The following GNB4 variants were observed in gnomAD, a reference collection of about 807,000 sequenced individuals.
GNB4 encodes the protein guanine nucleotide-binding protein subunit beta-4.
Under a neutral mutation model 45.2 loss-of-function variants are expected in GNB4, and 28 were observed. That is an observed-to-expected ratio of 0.62 (90% CI 0.46 to 0.85). GNB4 has a LOEUF of 0.85. GNB4 is among the 40% of genes least tolerant of loss of function. The probability of loss-of-function intolerance (pLI) is 0.00; values close to 1 mark genes in which losing one functional copy is unlikely to be tolerated. For missense variants in GNB4, 321 were observed against 425.4 expected (o/e 0.75, Z 2.16); for synonymous variants, 132 against 143.7 (o/e 0.92, Z 0.58).
the GNB4 span, among the ~76,000 whole-genome samples, chr3:179,518,321 G>C: frequency 2.6e-5 from 4 of 152,160 alleles, no homozygotes; most frequent in Non-Finnish European, 4.4e-5. Context: ...CAAACAGTCT[G>C]AGGTGCCTGA....
chr3:179,419,578 G>C lies in GNB4; in HGVS notation c.97-73C>G. ...TGAGATAACTTGAACTAGAAACAGT[G>C]AGGAGTTAAAAAAGCAAACATAAAG... On this transcript the variant is annotated intron_variant, in intron 3 of 9. Transcript: ENST00000232564. The C allele has an allele frequency of 4.3e-6, 4 of 929,346 alleles. No individual in the cohort carries two copies. The South Asian group carries it at 5.3e-5, about 12-fold the overall frequency. 57.6% of individuals were successfully genotyped at this position (929,346 alleles called of 1,614,324 possible). A position where few individuals can be genotyped will look rare whatever the true frequency, so the allele number is the denominator to read the frequency against.
the GNB4 span, among the ~76,000 whole-genome samples, chr3:179,516,749 G>A: frequency 6.6e-6 from 1 of 152,154 alleles, no homozygotes; most frequent in Non-Finnish European, 1.5e-5. Context: ...CGCCTTGTGT[G>A]GGAAGAGATT....
At chr3:179,401,963 TA>T (rs1390406024) in intron 9 of GNB4, among the ~76,000 whole-genome samples, 1 of 152,128 alleles carries the variant, frequency 6.6e-6, no homozygotes, top group Non-Finnish European at 1.5e-5. Context: ...ACAGTAAGAT[TA>T]ATAAGAAAAA....
At chr3:179,423,521 C>T (rs528323277) in intron 2 of GNB4, among the ~76,000 whole-genome samples, 7 of 152,078 alleles carry the variant, frequency 4.6e-5, no homozygotes, top group East Asian at 3.9e-4. Flanking sequence ...TGGTGGCTTA[C>T]GCCTGTAATC....
At chr3:179,431,180 T>C (rs2108608552) in intron 1 of GNB4, among the ~76,000 whole-genome samples, 1 of 152,342 alleles carries the variant, frequency 6.6e-6, no homozygotes, top group East Asian at 1.9e-4. Context: ...ATAATACATT[T>C]AGCTATGTCT....
the GNB4 span, among the ~76,000 whole-genome samples, chr3:179,488,888 G>A: frequency 1.9e-4 from 28 of 148,002 alleles, no homozygotes; most frequent in Non-Finnish European, 2.2e-4. Flanking sequence ...GGCGACTGAC[G>A]CAGGAGGATC....
intron 1 of GNB4, among the ~76,000 whole-genome samples, chr3:179,439,907 A>G (rs951278803): frequency 2.6e-5 from 4 of 152,268 alleles, no homozygotes; most frequent in African/African-American, 9.6e-5. Context: ...GACTTGCCTC[A>G]GATATTTTCT....
chr3:179,442,900 G>C (rs1280243988), intron 1 of GNB4, among the ~76,000 whole-genome samples: 3 of 152,134 alleles, frequency 2.0e-5, no homozygotes, highest in Non-Finnish European at 4.4e-5. Flanking sequence ...GAGTAGCTGG[G>C]ATGAAAGGTG....
intron 3 of GNB4, among the ~76,000 whole-genome samples, 161 bp downstream of exon 3, chr3:179,420,728 C>T (rs1252848169): frequency 2.0e-5 from 3 of 152,022 alleles, no homozygotes; most frequent in African/African-American, 7.2e-5. Flanking sequence ...AAAAAGCACT[C>T]GCACTGTATA....
upstream of GNB4, chr3:179,451,478 C>G (rs943985692): frequency 6.0e-5 from 9 of 150,972 alleles, no homozygotes; most frequent in Non-Finnish European, 8.9e-5. Flanking sequence ...CACACCCAGT[C>G]CCGCACCTCC....
At chr3:179,431,767 T>A (rs748029903) in intron 1 of GNB4, among the ~76,000 whole-genome samples, 1 of 152,166 alleles carries the variant, frequency 6.6e-6, no homozygotes, top group Non-Finnish European at 1.5e-5. Flanking sequence ...CTGTAGCACA[T>A]CAGGATGAAC....
intron 1 of GNB4, among the ~76,000 whole-genome samples, chr3:179,440,653 C>T (rs886484746): frequency 2.0e-5 from 3 of 151,698 alleles, no homozygotes; most frequent in African/African-American, 2.4e-5. Context: ...GGGGTGAACA[C>T]GGTTAATAAT....
chr3:179,418,087 CATTGT>C (rs1193679948), intron 4 of GNB4, among the ~76,000 whole-genome samples: 1 of 152,108 alleles, frequency 6.6e-6, no homozygotes, highest in East Asian at 1.9e-4. Flanking sequence ...GAACCATAAA[CATTGT>C]TTCAAGTTAC....
At chr3:179,469,086 G>A in the GNB4 span, among the ~76,000 whole-genome samples, 1 of 152,216 alleles carries the variant, frequency 6.6e-6, no homozygotes, top group East Asian at 1.9e-4. Flanking sequence ...GAACTGGAAG[G>A]CACTCTGCTC....
the GNB4 span, among the ~76,000 whole-genome samples, chr3:179,495,579 A>G: frequency 6.6e-6 from 1 of 151,492 alleles, no homozygotes; most frequent in Non-Finnish European, 1.5e-5. Flanking sequence ...AGAAAGAAAG[A>G]AAGGAAGCAG....
At chr3:179,436,850 C>G (rs548972218) in intron 1 of GNB4, among the ~76,000 whole-genome samples, 25 of 152,156 alleles carry the variant, frequency 1.6e-4, no homozygotes, top group African/African-American at 5.8e-4. Flanking sequence ...TTTTCAGTAC[C>G]CTTAAAGTAA....
Position 179,413,414 on chromosome 3 carries a change from T to C in GNB4, c.697A>G (p.Ser233Gly), listed in dbSNP as rs538233963. 7.0e-5 allele frequency: 112 copies of C among 1,609,572 alleles called. No homozygotes were observed. The South Asian group carries it at 1.2e-3, about 17-fold the overall frequency. Residue 233 changes from serine (S) to glycine (G), a missense_variant and splice_region_variant, in exon 8 of 10, where the codon AGT (serine) becomes GGT (glycine). By Grantham distance (56) the Ser-to-Gly change is moderately conservative. Coordinates refer to ENST00000232564, the MANE Select transcript of GNB4 (RefSeq NM_021629.4). ...CTCTAGAAATGCTATTCACTTACAC[T>C]GACAGCATTGATATCTGAGACATGT... ...TGHVSDINAV[S>G]FFPNGYAFAT...
At chr3:179,446,479 A>T (rs1242641296) in intron 1 of GNB4, among the ~76,000 whole-genome samples, 2 of 152,230 alleles carry the variant, frequency 1.3e-5, no homozygotes, top group Non-Finnish European at 2.9e-5. Context: ...TTATTTTTTC[A>T]TCCTAAGCCA....
the GNB4 span, among the ~76,000 whole-genome samples, chr3:179,521,512 T>C: frequency 1.3e-5 from 2 of 152,190 alleles, no homozygotes; most frequent in African/African-American, 4.8e-5. Context: ...AAAAAACTTG[T>C]CATCCCTACT....
Sources: allele counts gnomAD v4.1 joint callset (sites outside exome capture counted in the v4.1 genomes callset), GRCh38; gene constraint gnomAD v4.1.1; transcripts MANE v1.5; gene names NCBI Gene and HGNC (gene_info 2026-07-23, HGNC 2026-07-21).